Variants in NREP observed in about 807,000 individuals in gnomAD.
NREP encodes the protein neuronal regeneration related protein, also known as neuronal regeneration-related protein.
A neutral mutation model predicts 8.6 loss-of-function variants in NREP; 5 were observed. The ratio of observed to expected loss-of-function variants is 0.58; its 90% CI spans 0.30 to 1.22. NREP has a LOEUF of 1.22. NREP is among the 50% of genes most tolerant of loss of function. The probability of loss-of-function intolerance (pLI) is 0.07; values close to 1 mark genes in which losing one functional copy is unlikely to be tolerated. For synonymous variants in NREP, 27 were observed against 28.0 expected (o/e 0.96, Z 0.11); for missense variants, 86 against 82.5 (o/e 1.04, Z -0.17).
intron 2 of NREP, among the ~76,000 whole-genome samples, chr5:111,973,430 A>G (rs1756876201): frequency 6.6e-6 from 1 of 152,226 alleles, no homozygotes; most frequent in African/African-American, 2.4e-5. Flanking sequence ...ATTTTTAAAC[A>G]ATACAGATGC....
At chr5:111,863,618 C>T (rs866703313) in intron 2 of NREP, among the ~76,000 whole-genome samples, 5 of 151,730 alleles carry the variant, frequency 3.3e-5, no homozygotes, top group Non-Finnish European at 5.9e-5. Context: ...TGAGAAATGG[C>T]GGCCAGAGAA....
At chr5:111,785,007 G>A (rs776757964) in intron 2 of NREP, among the ~76,000 whole-genome samples, 14 of 152,106 alleles carry the variant, frequency 9.2e-5, no homozygotes, top group Non-Finnish European at 1.6e-4. Context: ...CCTTAGGCCT[G>A]GAGTTATACA....
rs58877839 is a variant in NREP at position 111,964,855 on chromosome 5, C to CAAAAAAAAAAAAAA, written c.135+10405_135+10418dup. On this transcript the variant is annotated intron_variant, in intron 2 of 3. Coordinates refer to the NREP transcript ENST00000395634. ...AGTCTACTTAGAATGCTTTCAGCAG[C>CAAAAAAAAAAAAAA]AAAAAAAAAAAAAAAAAAAAAAAAA... 1.2e-3 allele frequency among the ~76,000 whole-genome samples: 52 copies of CAAAAAAAAAAAAAA among 44,872 alleles called. 3 individuals carry two copies. Among genetic ancestry groups the CAAAAAAAAAAAAAA allele is most frequent in the African/African-American group, 2.1e-3 (33 of 15,732 alleles). 29.4% of individuals were successfully genotyped at this position (44,872 alleles called of 152,430 possible). A position where few individuals can be genotyped will look rare whatever the true frequency, so the allele number is the denominator to read the frequency against.
chr5:111,835,365 A>C (rs907964255), intron 2 of NREP, among the ~76,000 whole-genome samples: 2 of 152,116 alleles, frequency 1.3e-5, no homozygotes, highest in Admixed American at 6.6e-5. Context: ...TATTAATAAG[A>C]CCTTATACCT....
At chr5:111,735,646 T>C (rs547290696) in intron 2 of NREP, 139 bp from the exon 3 acceptor site, 2 of 585,066 alleles carry the variant, frequency 3.4e-6, no homozygotes, top group Non-Finnish European at 6.1e-6. Context: ...GGGAAACCAT[T>C]AACTCTTTCA....
rs58877839 is a variant in NREP, at chr5:111,964,855, C to CAAAAAA, written c.135+10413_135+10418dup. Among the ~76,000 whole-genome samples, 300 of 44,808 alleles carry CAAAAAA rather than the reference C, an allele frequency of 6.7e-3. 19 individuals carry two copies. Among genetic ancestry groups the CAAAAAA allele is most frequent in the Non-Finnish European group, 9.0e-3 (193 of 21,468 alleles). 29.4% of individuals were successfully genotyped at this position (44,808 alleles called of 152,430 possible). A position where few individuals can be genotyped will look rare whatever the true frequency, so the allele number is the denominator to read the frequency against. On this transcript the variant is annotated intron_variant, in intron 2 of 3. Transcript: ENST00000395634. ...AGTCTACTTAGAATGCTTTCAGCAG[C>CAAAAAA]AAAAAAAAAAAAAAAAAAAAAAAAA...
At chr5:111,844,019 G>T (rs1245603363) in intron 2 of NREP, among the ~76,000 whole-genome samples, 5 of 152,178 alleles carry the variant, frequency 3.3e-5, no homozygotes, top group Non-Finnish European at 5.9e-5. Context: ...GTGGAAGGTT[G>T]AAAGTAAAAG....
At chr5:111,827,181 T>C (rs1260190657) in intron 2 of NREP, among the ~76,000 whole-genome samples, 2 of 152,136 alleles carry the variant, frequency 1.3e-5, no homozygotes, top group African/African-American at 4.8e-5. Flanking sequence ...CCTTATATAG[T>C]GAAGGATTAT....
upstream of NREP, chr5:111,757,589 C>T (rs1252055407): frequency 1.7e-5 from 17 of 983,932 alleles, no homozygotes; most frequent in Non-Finnish European, 2.0e-5. Context: ...CTCTGGGCCC[C>T]GTCGGCGAGC....
intron 2 of NREP, among the ~76,000 whole-genome samples, chr5:111,901,245 G>T (rs1754639176): frequency 1.3e-5 from 2 of 151,950 alleles, no homozygotes; most frequent in Admixed American, 1.3e-4. Context: ...ATTCACGAAG[G>T]ATGTTGAATT....
At chr5:111,956,486 C>A (rs1756323631) in intron 2 of NREP, among the ~76,000 whole-genome samples, 2 of 147,700 alleles carry the variant, frequency 1.4e-5, no homozygotes, top group Non-Finnish European at 1.5e-5. Context: ...AAAAAATTTC[C>A]AAAATGAAAG....
intron 2 of NREP, among the ~76,000 whole-genome samples, chr5:111,958,596 T>C (rs1435310826): frequency 9.9e-5 from 15 of 152,064 alleles, no homozygotes; most frequent in African/African-American, 3.6e-4. Context: ...TAGTTTAATC[T>C]AAAATACACA....
upstream of NREP, among the ~76,000 whole-genome samples, chr5:111,761,843 A>G (rs1033375681): frequency 2.0e-5 from 3 of 152,246 alleles, no homozygotes; most frequent in African/African-American, 7.2e-5. Flanking sequence ...TCAACCAATC[A>G]GACCGAAGGG....
At chr5:111,735,145 C>A in intron 3 of NREP, 1 of 332,860 alleles carries the variant, frequency 3.0e-6, no homozygotes, top group South Asian at 6.0e-5. Context: ...GTTTGTCTAA[C>A]CAGAAATGGA....
intron 2 of NREP, among the ~76,000 whole-genome samples, chr5:111,913,456 A>G (rs10515436): frequency 0.062 from 9,412 of 152,166 alleles, 675 homozygotes; most frequent in East Asian, 0.23. Context: ...GGAACCCAGC[A>G]TCACTATATT....
chr5:111,959,561 A>C (rs1561369245), intron 2 of NREP, among the ~76,000 whole-genome samples: 1 of 152,016 alleles, frequency 6.6e-6, no homozygotes, highest in African/African-American at 2.4e-5. Flanking sequence ...TAGTATCCAG[A>C]ATATATATTT....
At chr5:111,771,352 A>T (rs772810961) in intron 2 of NREP, among the ~76,000 whole-genome samples, 1 of 152,086 alleles carries the variant, frequency 6.6e-6, no homozygotes, top group African/African-American at 2.4e-5. Flanking sequence ...TCTGCCTGAG[A>T]TCACACACAG....
At chr5:111,901,442 A>C (rs1166915556) in intron 2 of NREP, among the ~76,000 whole-genome samples, 1 of 152,068 alleles carries the variant, frequency 6.6e-6, no homozygotes, top group African/African-American at 2.4e-5. Context: ...CACTTTCAGC[A>C]CTCTTATTCA....
chr5:111,758,360 CT>C, upstream of NREP: 1 of 697,550 alleles, frequency 1.4e-6, no homozygotes, highest in Non-Finnish European at 1.8e-6. Flanking sequence ...TGAAATTGTA[CT>C]TTTTAAAATC....
Sources: gnomAD v4.1 joint callset for allele counts (sites outside exome capture counted in the v4.1 genomes callset) on GRCh38, gnomAD v4.1.1 for gene constraint, MANE v1.5 for transcripts, NCBI Gene and HGNC (gene_info 2026-07-23, HGNC 2026-07-21) for gene names.